The following KICS2 variants were observed in gnomAD, a reference collection of about 807,000 sequenced individuals.
KICS2 encodes the protein KICSTOR subunit 2, also known as KICSTOR complex protein C12orf66.
KICS2 carries 13 observed loss-of-function variants against 31.4 expected under a neutral mutation model. The ratio of observed to expected loss-of-function variants is 0.41; its 90% CI spans 0.27 to 0.66. KICS2 has a LOEUF of 0.66. Among genes scored for constraint, KICS2 ranks in the 30% least tolerant of loss-of-function variants. The pLI is 0.28. For synonymous variants in KICS2, 209 were observed against 214.8 expected, an observed-to-expected ratio of 0.97 and a Z score of 0.24; for missense variants, 455 against 545.4, an observed-to-expected ratio of 0.83 and a Z score of 1.65.
chr12:64,200,778 TC>T (rs1366130859), intron 2 of KICS2, among the ~76,000 whole-genome samples: 9 of 59,552 alleles, frequency 1.5e-4, no homozygotes, highest in Admixed American at 3.9e-4. Context: ...AACAACCCCA[TC>T]AAAAAGTTGG....
chr12:64,188,604 G>A (rs1181488397), downstream of KICS2, among the ~76,000 whole-genome samples: 1 of 151,088 alleles, frequency 6.6e-6, no homozygotes, highest in Non-Finnish European at 1.5e-5. Context: ...AGAGGGAGAG[G>A]GAGAGGAAAA....
chr12:64,202,312 G>A (rs963425892), intron 2 of KICS2, among the ~76,000 whole-genome samples: 1 of 152,190 alleles, frequency 6.6e-6, no homozygotes, highest in Middle Eastern at 3.4e-3. Context: ...TTAGAAGGCT[G>A]AGGTGGGAAG....
rs2037400027 is a variant in KICS2, at chr12:64,193,393, GA to G, written c.*448del. 3.0e-6 allele frequency: 3 copies of G among 985,758 alleles called. No individual in the cohort carries two copies. The highest frequency in any genetic ancestry group is 9.4e-5 in the South Asian group (2 of 21,300). 61.1% of individuals were successfully genotyped at this position (985,758 alleles called of 1,614,324 possible). ...ACTCCATATTCATTTGCTAATTTAT[GA>G]GACAGAAAACATATAGTTCTTAATT... On this transcript the variant is annotated 3_prime_UTR_variant, in exon 3 of 3. Coordinates refer to ENST00000398055, the MANE Select transcript of KICS2 (RefSeq NM_152440.5).
chr12:64,196,045 G>A (rs1354383507), intron 2 of KICS2, among the ~76,000 whole-genome samples: 5 of 152,278 alleles, frequency 3.3e-5, no homozygotes, highest in African/African-American at 1.2e-4. Flanking sequence ...CCATTGCCCA[G>A]GCTTGATTAG....
chr12:64,193,059 CAGAA>C lies in KICS2; in HGVS notation c.*779_*782del, dbSNP rs2037396323. On this transcript the variant is annotated 3_prime_UTR_variant, in exon 3 of 3. Coordinates refer to ENST00000398055, the MANE Select transcript of KICS2 (RefSeq NM_152440.5). The stretch of plus-strand genomic sequence containing the variant: ...TACATTTCAGCAGAAAAGTGATAAA[CAGAA>C]AGCGAAGCGGATAATATGCTGAAGA... 3.0e-6 allele frequency: 3 copies of C among 985,386 alleles called. No individual in the cohort carries two copies. Among genetic ancestry groups the C allele is most frequent in the Non-Finnish European group, 3.6e-6 (3 of 829,918 alleles). The allele number at this position is 985,386 out of a possible 1,614,324, so 61.0% of individuals were successfully genotyped here.
chr12:64,202,930 A>G (rs1189106347), intron 2 of KICS2, among the ~76,000 whole-genome samples: 1 of 152,042 alleles, frequency 6.6e-6, no homozygotes, highest in Non-Finnish European at 1.5e-5. Flanking sequence ...CTTCTTCCTG[A>G]TTCTTCAGGT....
chr12:64,199,055 C>G (rs376929938), intron 2 of KICS2, among the ~76,000 whole-genome samples: 10 of 92,372 alleles, frequency 1.1e-4, no homozygotes, highest in East Asian at 7.8e-4. Context: ...CCTTCTGAAA[C>G]TATTCCAATC....
intron 2 of KICS2, among the ~76,000 whole-genome samples, chr12:64,208,937 T>C (rs1180154937): frequency 2.6e-5 from 4 of 152,124 alleles, no homozygotes; most frequent in Non-Finnish European, 5.9e-5. Context: ...ACAATCTATC[T>C]TGCAAATTTG....
In KICS2 at chr12:64,215,840, T is replaced by G; in HGVS notation, c.359A>C (p.Glu120Ala). Residue 120 changes from glutamate to alanine, a missense_variant, in exon 2 of 3, where the codon GAA (glutamate) becomes GCA (alanine). Coordinates refer to ENST00000398055, the MANE Select transcript of KICS2 (RefSeq NM_152440.5). ...CTGCTCTGACAGGTGGGAAAGGAGT[T>G]CTTCCACGTGAGGAGCAGTCCCACC... Reference protein sequence around the residue: ...ALGGTAPHVEELLSHLSEQLC... With the variant: ...ALGGTAPHVEALLSHLSEQLC... 1.2e-6 allele frequency: 2 copies of G among 1,613,948 alleles called. No homozygotes were observed. Among genetic ancestry groups the G allele is most frequent in the Middle Eastern group, 3.3e-4 (2 of 6,058 alleles).
chr12:64,206,608 C>A (rs1303888566), intron 2 of KICS2, among the ~76,000 whole-genome samples: 2 of 152,092 alleles, frequency 1.3e-5, no homozygotes, highest in Non-Finnish European at 2.9e-5. Context: ...AGCCATGATG[C>A]TTAAAATAGC....
rs545555111 is a variant in KICS2 at position 64,219,594 on chromosome 12, C to CG, written c.235+2408_235+2409insC. On this transcript the variant is annotated intron_variant, in intron 1 of 2. Transcript: ENST00000398055. Reference sequence around the variant, plus strand: ...AGACTCCCTTTTTACTTGAAATTTGCTAAGAGAGTAGATCTTAAGTATTCT... The same window carrying CG: ...AGACTCCCTTTTTACTTGAAATTTGCGTAAGAGAGTAGATCTTAAGTATTCT... Among the ~76,000 whole-genome samples, 512 of 152,140 alleles carry CG rather than the reference C, an allele frequency of 3.4e-3. 6 individuals carry two copies. The highest frequency in any genetic ancestry group is 0.011 in the African/African-American group (473 of 41,510).
chr12:64,204,030 T>C (rs1003164506), intron 2 of KICS2, among the ~76,000 whole-genome samples: 5 of 152,224 alleles, frequency 3.3e-5, no homozygotes, highest in African/African-American at 1.2e-4. Context: ...AACAGAAAAC[T>C]AAACACTGCA....
At chr12:64,188,608 A>T (rs770466548), downstream of KICS2, among the ~76,000 whole-genome samples, 2 of 151,928 alleles carry the variant, frequency 1.3e-5, no homozygotes, top group African/African-American at 4.8e-5. Flanking sequence ...GGAGAGGGAG[A>T]GGAAAAAATG....
chr12:64,222,090 T>C lies in KICS2; in HGVS notation c.148A>G (p.Ser50Gly), dbSNP rs2037689308. 1 of 1,614,022 alleles carries C rather than the reference T, an allele frequency of 6.2e-7. No homozygotes were observed. Among genetic ancestry groups the C allele is most frequent in the African/African-American group, 1.3e-5 (1 of 75,066 alleles). Residue 50 changes from serine to glycine, a missense_variant, in exon 1 of 3, where the codon AGC (serine) becomes GGC (glycine). Ser to Gly is a moderately conservative substitution (Grantham distance 56). Transcript: ENST00000398055. ...AAGGCCGCCAGCAGCGACAGCCAGC[T>C]GCCCCCCGCGCTCTTGTTGGCCTCT... is the stretch of plus-strand genomic sequence containing the variant. ...EREANKSAGGSWLSLLAALAH... is the reference protein window; with the variant it reads ...EREANKSAGGGWLSLLAALAH...
In KICS2 at chr12:64,194,165, C is replaced by T; in HGVS notation, c.1015G>A (p.Ala339Thr). The stretch of plus-strand genomic sequence containing the variant: ...GGATACTGGTCCACACCCTTGGGGG[C>T]CTCTCTGTAGGAATGGGGGTGGTGA... ...GYHHPHSYRE[A>T]PKGVDQYPAV... Residue 339 changes from alanine (A) to threonine (T), a missense_variant, in exon 3 of 3, where the codon GCC (alanine) becomes ACC (threonine). By Grantham distance (58) the Ala-to-Thr change is moderately conservative (BLOSUM62 0). Coordinates refer to ENST00000398055, the MANE Select transcript of KICS2 (RefSeq NM_152440.5). The T allele has an allele frequency of 2.5e-6, 4 of 1,614,056 alleles. No individual in the cohort carries two copies. In the South Asian group the frequency reaches 4.4e-5, roughly 18 times the overall value.
At chr12:64,220,423 T>C (rs2037670228) in intron 1 of KICS2, among the ~76,000 whole-genome samples, 1 of 152,076 alleles carries the variant, frequency 6.6e-6, no homozygotes, top group Non-Finnish European at 1.5e-5. Flanking sequence ...AGTCAATAAA[T>C]AGACTTTAGA....
rs2037380260 is a variant in KICS2 at position 64,191,747 on chromosome 12, T to C, written c.*2095A>G. The C allele has an allele frequency of 6.6e-6, 1 of 152,296 alleles. No homozygotes were observed. Among genetic ancestry groups the C allele is most frequent in the African/African-American group, 2.4e-5 (1 of 41,570 alleles). The allele number at this position is 152,296 out of a possible 1,614,324, so 9.4% of individuals were successfully genotyped here. A position where few individuals can be genotyped will look rare whatever the true frequency, so the allele number is the denominator to read the frequency against. ...TCACTACTTTCTATTTAAAGCAAAC[T>C]AGCTTTTTACAAAGCTTATGACCAT... is the stretch of plus-strand genomic sequence containing the variant. On this transcript the variant is annotated 3_prime_UTR_variant, in exon 3 of 3. Coordinates refer to ENST00000398055, the MANE Select transcript of KICS2 (RefSeq NM_152440.5).
intron 1 of KICS2, 92 bp from the exon 2 acceptor site, chr12:64,216,055 A>C: frequency 8.4e-7 from 1 of 1,193,572 alleles, no homozygotes; most frequent in Non-Finnish European, 1.1e-6. Context: ...AAGAATCCAA[A>C]CCCATTGAGC....
intron 2 of KICS2, among the ~76,000 whole-genome samples, chr12:64,199,577 A>C (rs1043943384): frequency 1.3e-5 from 2 of 148,320 alleles, no homozygotes; most frequent in Admixed American, 6.8e-5. Flanking sequence ...ACTCCTATTC[A>C]ACATAGTGTT....
Sources: gnomAD v4.1 joint callset for allele counts (sites outside exome capture counted in the v4.1 genomes callset) on GRCh38, gnomAD v4.1.1 for gene constraint, MANE v1.5 for transcripts, NCBI Gene and HGNC (gene_info 2026-07-23, HGNC 2026-07-21) for gene names.